Variants in LAMA2 observed in about 807,000 individuals in gnomAD.
LAMA2 encodes laminin subunit alpha 2.
In LAMA2, 269 loss-of-function variants were observed where a neutral mutation model predicts 364.8. The ratio of observed to expected loss-of-function variants is 0.74; its 90% CI spans 0.67 to 0.82. LAMA2 has a LOEUF of 0.82. Among genes scored for constraint, LAMA2 ranks in the 40% least tolerant of loss-of-function variants. The pLI, the probability that LAMA2 is intolerant of heterozygous loss-of-function variation, is 0.00. For missense variants in LAMA2, 3,807 were observed against 3,873.2 expected, an observed-to-expected ratio of 0.98 and a Z score of 0.45; for synonymous variants, 1,379 against 1,370.6, an observed-to-expected ratio of 1.01 and a Z score of -0.14.
At chr6:129,042,182 G>A (rs962062769) in intron 1 of LAMA2, among the ~76,000 whole-genome samples, 1 of 151,826 alleles carries the variant, frequency 6.6e-6, no homozygotes, top group African/African-American at 2.4e-5. Context: ...GCAGGCTCCT[G>A]TAATCCCAGC....
At chr6:129,401,554 A>C (rs951557916) in intron 38 of LAMA2, among the ~76,000 whole-genome samples, 1 of 152,234 alleles carries the variant, frequency 6.6e-6, no homozygotes, top group African/African-American at 2.4e-5. Flanking sequence ...AAGTGTACTC[A>C]CACATTCACA....
intron 28 of LAMA2, among the ~76,000 whole-genome samples, chr6:129,324,888 C>T (rs1186882465): frequency 6.6e-6 from 1 of 152,130 alleles, no homozygotes; most frequent in East Asian, 1.9e-4. Flanking sequence ...TCCTACATTC[C>T]AGGTGAGGAA....
chr6:128,931,507 A>G (rs1779475813), intron 1 of LAMA2, among the ~76,000 whole-genome samples: 1 of 152,226 alleles, frequency 6.6e-6, no homozygotes, highest in African/African-American at 2.4e-5. Flanking sequence ...AACGAGGCAA[A>G]TGTTGCCAAT....
chr6:129,355,042 A>G (rs375494653), intron 32 of LAMA2, among the ~76,000 whole-genome samples: 1 of 152,330 alleles, frequency 6.6e-6, no homozygotes, highest in East Asian at 1.9e-4. Context: ...CATGGTATTT[A>G]GTTCAGTTGC....
intron 7 of LAMA2, among the ~76,000 whole-genome samples, chr6:129,151,530 C>T (rs945954724): frequency 2.6e-5 from 4 of 152,020 alleles, no homozygotes; most frequent in African/African-American, 7.2e-5. Flanking sequence ...TGTATCACTC[C>T]GTTTTCACAC....
intron 4 of LAMA2, among the ~76,000 whole-genome samples, chr6:129,128,055 A>G (rs1777219946): frequency 6.6e-6 from 1 of 152,140 alleles, no homozygotes; most frequent in Admixed American, 6.5e-5. Flanking sequence ...TGGGGGTCAA[A>G]TTCAAAACAT....
intron 12 of LAMA2, among the ~76,000 whole-genome samples, chr6:129,195,979 T>C (rs1184236151): frequency 6.6e-6 from 1 of 152,210 alleles, no homozygotes; most frequent in Non-Finnish European, 1.5e-5. Context: ...TGTAAAGTTC[T>C]GGGAGAAGCT....
At chr6:129,223,701 C>T (rs7739528) in intron 12 of LAMA2, among the ~76,000 whole-genome samples, 20,199 of 152,068 alleles carry the variant, frequency 0.13, 3,357 homozygotes, top group African/African-American at 0.39. Flanking sequence ...CATTGATCTA[C>T]ATCTCTCTTT....
rs1386577791 is a variant in LAMA2, at chr6:129,205,231, A to T, written c.1782+12378A>T. 4.0e-5 allele frequency among the ~76,000 whole-genome samples: 6 copies of T among 151,290 alleles called. No homozygotes were observed. In the South Asian group the frequency reaches 1.3e-3, roughly 32 times the overall value. On this transcript the variant is annotated intron_variant, in intron 12 of 64. Coordinates refer to ENST00000421865, the MANE Select transcript of LAMA2 (RefSeq NM_000426.4). Reference sequence around the variant, plus strand: ...GGTGAAACCCCGTCTCTACTAAAAAAAATACAAAAAATTAGCTGGACCTAG... The same window carrying T: ...GGTGAAACCCCGTCTCTACTAAAAATAATACAAAAAATTAGCTGGACCTAG...
At chr6:129,207,961 G>A (rs943917256) in intron 12 of LAMA2, among the ~76,000 whole-genome samples, 4 of 152,180 alleles carry the variant, frequency 2.6e-5, no homozygotes, top group African/African-American at 9.7e-5. Flanking sequence ...GAGGGAACTG[G>A]TTGGGATTCT....
intron 1 of LAMA2, among the ~76,000 whole-genome samples, chr6:128,935,101 T>A (rs139909707): frequency 0.13 from 19,431 of 152,026 alleles, 1,565 homozygotes; most frequent in African/African-American, 0.23. Flanking sequence ...TCTAGGGTAC[T>A]TGTGCACAAT....
chr6:129,008,611 T>C (rs375798031), intron 1 of LAMA2, among the ~76,000 whole-genome samples: 8 of 152,336 alleles, frequency 5.3e-5, no homozygotes, highest in African/African-American at 7.2e-5. Context: ...GTCATTTTAC[T>C]AAATTTTTGA....
intron 35 of LAMA2, among the ~76,000 whole-genome samples, chr6:129,389,815 C>T (rs1003097648): frequency 6.6e-6 from 1 of 152,134 alleles, no homozygotes; most frequent in African/African-American, 2.4e-5. Flanking sequence ...ACAAGAACAG[C>T]AAGGGGGGAG....
chr6:129,259,396 T>C (rs1052156722), intron 14 of LAMA2, among the ~76,000 whole-genome samples: 1 of 152,064 alleles, frequency 6.6e-6, no homozygotes, highest in Non-Finnish European at 1.5e-5. Context: ...ATGCAGGCCA[T>C]AGCGAGAATC....
chr6:129,200,641 G>A (rs971961981), intron 12 of LAMA2, among the ~76,000 whole-genome samples: 1 of 151,884 alleles, frequency 6.6e-6, no homozygotes, highest in African/African-American at 2.4e-5. Context: ...TGGAATTAAT[G>A]CCCTTATGAA....
chr6:129,500,167 G>A (rs927872657), intron 58 of LAMA2, among the ~76,000 whole-genome samples: 12 of 152,166 alleles, frequency 7.9e-5, no homozygotes. Flanking sequence ...TACCAAATTA[G>A]AGGGTGGGGA....
intron 1 of LAMA2, among the ~76,000 whole-genome samples, chr6:128,984,103 C>A (rs76034471): frequency 6.6e-6 from 1 of 152,134 alleles, no homozygotes; most frequent in Non-Finnish European, 1.5e-5. Flanking sequence ...TACTACCTAC[C>A]TTTCGCAGTG....
chr6:129,299,545 G>C (rs1013095692), intron 21 of LAMA2, among the ~76,000 whole-genome samples: 8 of 152,074 alleles, frequency 5.3e-5, no homozygotes, highest in Admixed American at 1.3e-4. Context: ...AACTACTTAA[G>C]ATAATTTCTA....
intron 51 of LAMA2, among the ~76,000 whole-genome samples, chr6:129,466,590 G>A (rs527893893): frequency 1.3e-5 from 2 of 152,062 alleles, no homozygotes; most frequent in South Asian, 4.1e-4. Flanking sequence ...ACATTTGCAT[G>A]TCAGAAGCTC....
Sources: gnomAD v4.1 joint callset for allele counts (sites outside exome capture counted in the v4.1 genomes callset) on GRCh38, gnomAD v4.1.1 for gene constraint, MANE v1.5 for transcripts, NCBI Gene and HGNC (gene_info 2026-07-23, HGNC 2026-07-21) for gene names.